HNRNPD: variants seen among roughly 807,000 people sequenced by gnomAD.
The protein encoded by HNRNPD is heterogeneous nuclear ribonucleoprotein D, also known as heterogeneous nuclear ribonucleoprotein D0.
HNRNPD carries 3 observed loss-of-function variants against 47.9 expected under a neutral mutation model. The observed-to-expected ratio is 0.06, with a 90% CI of 0.03 to 0.16. The LOEUF (loss-of-function observed/expected upper bound fraction) is 0.16. Among genes scored for constraint, HNRNPD ranks in the 10% least tolerant of loss-of-function variants. The probability of loss-of-function intolerance (pLI) is 1.00; values close to 1 mark genes in which losing one functional copy is unlikely to be tolerated. For missense variants in HNRNPD, 287 were observed against 454.2 expected (o/e 0.63, Z 3.35); for synonymous variants, 171 against 165.1 (o/e 1.04, Z -0.28).
intron 2 of HNRNPD, among the ~76,000 whole-genome samples, chr4:82,367,106 T>C (rs554232001): frequency 6.6e-6 from 1 of 151,062 alleles, no homozygotes; most frequent in Admixed American, 6.6e-5. Flanking sequence ...CATGAAATGA[T>C]CCTCATACCT....
At chr4:82,367,321 G>C (rs1285287374) in intron 2 of HNRNPD, among the ~76,000 whole-genome samples, 2 of 152,094 alleles carry the variant, frequency 1.3e-5, no homozygotes, top group East Asian at 3.9e-4. Context: ...TCCTTAACCT[G>C]AAGGTTAAGG....
chr4:82,373,756 C>T lies in HNRNPD; in HGVS notation c.-78G>A. The T allele has an allele frequency of 6.5e-7, 1 of 1,527,580 alleles. No individual in the cohort carries two copies. 94.6% of individuals were successfully genotyped at this position (1,527,580 alleles called of 1,614,324 possible). ...ACCGAAACTAGCAGCAAAGTAATCC[C>T]CGCCGCTGCCGCGCGCCCGCTCTAC... On this transcript the variant is annotated 5_prime_UTR_variant, in exon 1 of 9. Coordinates refer to ENST00000313899, the MANE Select transcript of HNRNPD (RefSeq NM_031370.3).
At chr4:82,358,269 G>C (rs1723813213) in intron 4 of HNRNPD, 1 of 169,048 alleles carries the variant, frequency 5.9e-6, no homozygotes, top group African/African-American at 2.4e-5. Flanking sequence ...AGTCTATAAT[G>C]ATTAGTCTCA....
chr4:82,361,070 T>C (rs1010714130), intron 2 of HNRNPD, among the ~76,000 whole-genome samples: 4 of 152,228 alleles, frequency 2.6e-5, no homozygotes, highest in African/African-American at 9.6e-5. Context: ...TAAAACAACT[T>C]TGGCATTTTA....
rs113637547 is a variant in HNRNPD, at chr4:82,359,674, A to C, written c.291-35T>G. 6.3e-4 allele frequency: 904 copies of C among 1,445,618 alleles called. 3 individuals are homozygous for C. In the African/African-American group the frequency reaches 0.011, roughly 18 times the overall value. 89.5% of individuals were successfully genotyped at this position (1,445,618 alleles called of 1,614,324 possible). ...CAAAAAGCAGTATTAAAATGCTTAA[A>C]AAAAATTGCCTTAAATATTATCCAC... On this transcript the variant is annotated intron_variant, in intron 2 of 8. Coordinates refer to ENST00000313899, the MANE Select transcript of HNRNPD (RefSeq NM_031370.3).
chr4:82,366,705 C>T (rs777788250), intron 2 of HNRNPD, among the ~76,000 whole-genome samples: 1 of 151,846 alleles, frequency 6.6e-6, no homozygotes, highest in Non-Finnish European at 1.5e-5. Context: ...TGACTACAGG[C>T]GCATGTAACC....
intron 2 of HNRNPD, among the ~76,000 whole-genome samples, chr4:82,364,515 CTTAA>C (rs1486092742): frequency 6.6e-6 from 1 of 152,100 alleles, no homozygotes; most frequent in Non-Finnish European, 1.5e-5. Flanking sequence ...TACTCAATGG[CTTAA>C]TTTTTTAAAA....
Position 82,356,914 on chromosome 4 carries a change from A to G in HNRNPD, c.754-19T>C. 1 of 1,576,986 alleles carries G rather than the reference A, an allele frequency of 6.3e-7. No homozygotes were observed. The highest frequency in any genetic ancestry group is 1.1e-5 in the South Asian group (1 of 90,298). On this transcript the variant is annotated intron_variant, in intron 5 of 8. Transcript: ENST00000313899. ...TTTCACACTAAAAGAGAAAAATTAC[A>G]TTATTAAACTGACTCAAGAAAATAA...
At chr4:82,361,443 A>C (rs975347439) in intron 2 of HNRNPD, among the ~76,000 whole-genome samples, 3 of 152,208 alleles carry the variant, frequency 2.0e-5, no homozygotes, top group Non-Finnish European at 4.4e-5. Flanking sequence ...TTAACTATTA[A>C]ATTACCCTTT....
At chr4:82,366,279 T>C (rs777290364) in intron 2 of HNRNPD, among the ~76,000 whole-genome samples, 1 of 152,202 alleles carries the variant, frequency 6.6e-6, no homozygotes, top group Non-Finnish European at 1.5e-5. Context: ...AGTCTCGCTT[T>C]GTCGCCCAGG....
In HNRNPD at chr4:82,373,766, C is replaced by G; in HGVS notation, c.-88G>C. Reference sequence around the variant, plus strand: ...GCAGCAAAGTAATCCCCGCCGCTGCCGCGCGCCCGCTCTACCTCGCGAAGC... The same window carrying G: ...GCAGCAAAGTAATCCCCGCCGCTGCGGCGCGCCCGCTCTACCTCGCGAAGC... On this transcript the variant is annotated 5_prime_UTR_variant, in exon 1 of 9. Coordinates refer to ENST00000313899, the MANE Select transcript of HNRNPD (RefSeq NM_031370.3). 1 of 1,527,168 alleles carries G rather than the reference C, an allele frequency of 6.5e-7. No individual in the cohort carries two copies. Among genetic ancestry groups the G allele is most frequent in the South Asian group, 1.2e-5 (1 of 83,752 alleles). The allele number at this position is 1,527,168 out of a possible 1,614,324, so 94.6% of individuals were successfully genotyped here. A position where few individuals can be genotyped will look rare whatever the true frequency, so the allele number is the denominator to read the frequency against.
At position 82,353,186 on chromosome 4, in the gene HNRNPD, ACTTT is replaced by A. The variant is rs1206360908; in HGVS notation, c.*995_*998del. The stretch of plus-strand genomic sequence containing the variant: ...GTTATCACTTAGACTCTTCAGTTTC[ACTTT>A]CTTAAGAGTGACTCAAAAAGTTCCT... On this transcript the variant is annotated 3_prime_UTR_variant, in exon 9 of 9. Coordinates refer to ENST00000313899, the MANE Select transcript of HNRNPD (RefSeq NM_031370.3). 2 of 152,182 alleles carry A rather than the reference ACTTT, an allele frequency of 1.3e-5. No individual in the cohort carries two copies. Among genetic ancestry groups the A allele is most frequent in the African/African-American group, 2.4e-5 (1 of 41,452 alleles). 9.4% of individuals were successfully genotyped at this position (152,182 alleles called of 1,614,324 possible).
intron 2 of HNRNPD, among the ~76,000 whole-genome samples, chr4:82,361,382 C>T (rs951613078): frequency 5.9e-5 from 9 of 152,132 alleles, no homozygotes; most frequent in African/African-American, 2.2e-4. Flanking sequence ...TGACCTCTTG[C>T]TAAGATGACC....
chr4:82,365,753 C>T (rs1477978967), intron 2 of HNRNPD, among the ~76,000 whole-genome samples: 3 of 150,856 alleles, frequency 2.0e-5, no homozygotes, highest in Non-Finnish European at 4.4e-5. Flanking sequence ...TATGGGTGCA[C>T]ACCACGAGGC....
intron 1 of HNRNPD, among the ~76,000 whole-genome samples, chr4:82,372,779 C>A (rs1041164361): frequency 3.9e-4 from 60 of 152,192 alleles, no homozygotes; most frequent in African/African-American, 1.4e-3. Flanking sequence ...GAGCATTTCA[C>A]CAGACCCAAT....
chr4:82,357,072 C>T (rs917510280), intron 5 of HNRNPD, among the ~76,000 whole-genome samples, 177 bp from the exon 6 acceptor site: 1 of 152,164 alleles, frequency 6.6e-6, no homozygotes, highest in Non-Finnish European at 1.5e-5. Flanking sequence ...CTTATGAGTA[C>T]TTGCTAGTGA....
chr4:82,372,925 G>A (rs537971512), intron 1 of HNRNPD, among the ~76,000 whole-genome samples: 172 of 152,236 alleles, frequency 1.1e-3, no homozygotes, highest in Non-Finnish European at 1.8e-3. Context: ...GCCGACAAGG[G>A]AGAGGCAGAG....
chr4:82,370,402 G>T (rs1264713790), intron 2 of HNRNPD, among the ~76,000 whole-genome samples: 2 of 152,202 alleles, frequency 1.3e-5, no homozygotes, highest in Non-Finnish European at 2.9e-5. Flanking sequence ...ACATAATGGA[G>T]TAATGTCAAA....
intron 2 of HNRNPD, among the ~76,000 whole-genome samples, chr4:82,368,407 G>GA (rs1281054816): frequency 1.3e-5 from 2 of 151,990 alleles, no homozygotes; most frequent in Non-Finnish European, 2.9e-5. Flanking sequence ...TGGCTTAAGG[G>GA]AAAAAACCCC....
Sources: allele counts gnomAD v4.1 joint callset (sites outside exome capture counted in the v4.1 genomes callset), GRCh38; gene constraint gnomAD v4.1.1; transcripts MANE v1.5; gene names NCBI Gene and HGNC (gene_info 2026-07-23, HGNC 2026-07-21).